The following CCNJL variants were observed in gnomAD, a reference collection of about 807,000 sequenced individuals.
CCNJL encodes cyclin J like.
CCNJL carries 33 observed loss-of-function variants against 33.4 expected under a neutral mutation model. The observed-to-expected ratio is 0.99, with a 90% CI of 0.75 to 1.32. The LOEUF is 1.32. Among genes scored for constraint, CCNJL ranks in the 40% most tolerant of loss-of-function variants. The pLI is 0.00. For missense variants in CCNJL, 512 were observed against 499.7 expected (o/e 1.02, Z -0.23); for synonymous variants, 227 against 220.9 (o/e 1.03, Z -0.24).
intron 1 of CCNJL, among the ~76,000 whole-genome samples, chr5:160,318,431 G>A (rs1305052444): frequency 6.6e-6 from 1 of 152,234 alleles, no homozygotes; most frequent in African/African-American, 2.4e-5. Context: ...AGGTCACATT[G>A]TGAGCTACTG....
chr5:160,258,148 A>G (rs1761151529), intron 4 of CCNJL: 2 of 392,694 alleles, frequency 5.1e-6, no homozygotes, highest in Non-Finnish European at 9.4e-6. Context: ...GCCCAGTCCA[A>G]TCATTGATCT....
intron 2 of CCNJL, among the ~76,000 whole-genome samples, chr5:160,288,773 G>T (rs1385577092): frequency 6.8e-6 from 1 of 146,542 alleles, no homozygotes; most frequent in Non-Finnish European, 1.5e-5. Context: ...GGAGCTTGCA[G>T]TGAATGGACA....
chr5:160,320,583 G>T (rs1407315055), intron 1 of CCNJL, among the ~76,000 whole-genome samples: 1 of 152,240 alleles, frequency 6.6e-6, no homozygotes, highest in Non-Finnish European at 1.5e-5. Flanking sequence ...GGAGCGATGA[G>T]GACTGTGGTT....
intron 3 of CCNJL, among the ~76,000 whole-genome samples, chr5:160,279,912 A>C (rs1762148830): frequency 1.3e-5 from 2 of 152,208 alleles, no homozygotes; most frequent in Non-Finnish European, 2.9e-5. Flanking sequence ...GCGAATTAAC[A>C]CAGTAATCTC....
At chr5:160,310,782 G>A (rs1763236627) in intron 2 of CCNJL, among the ~76,000 whole-genome samples, 1 of 152,186 alleles carries the variant, frequency 6.6e-6, no homozygotes, top group Admixed American at 6.5e-5. Flanking sequence ...CCATGTGACA[G>A]TGGAGGCAGA....
At chr5:160,299,179 C>A (rs1270996159) in intron 2 of CCNJL, among the ~76,000 whole-genome samples, 2 of 151,642 alleles carry the variant, frequency 1.3e-5, no homozygotes, top group African/African-American at 4.9e-5. Context: ...AGATGAGTTT[C>A]CCTCTTGTTG....
At chr5:160,270,599 A>G (rs2113302141) in intron 3 of CCNJL, among the ~76,000 whole-genome samples, 1 of 152,270 alleles carries the variant, frequency 6.6e-6, no homozygotes, top group Admixed American at 6.5e-5. Context: ...AAAAATAAAC[A>G]AACACTCAAT....
At chr5:160,316,397 T>C (rs116582139), upstream of CCNJL, among the ~76,000 whole-genome samples, 2,487 of 149,092 alleles carry the variant, frequency 0.017, 38 homozygotes, top group South Asian at 0.046. Flanking sequence ...ATTCTACTTA[T>C]CTTCAGCTTT....
At chr5:160,331,113 C>CCTCGACCA (rs1413651687) in intron 1 of CCNJL, among the ~76,000 whole-genome samples, 7 of 152,186 alleles carry the variant, frequency 4.6e-5, no homozygotes, top group African/African-American at 1.7e-4. Flanking sequence ...TCCAATAACT[C>CCTCGACCA]CTCGACCACT....
chr5:160,266,735 A>C (rs1175764513), intron 3 of CCNJL, among the ~76,000 whole-genome samples: 1 of 152,182 alleles, frequency 6.6e-6, no homozygotes, highest in East Asian at 1.9e-4. Flanking sequence ...GATCTTCTCA[A>C]GTCCTGTTAT....
At chr5:160,328,866 C>G (rs187329032) in intron 1 of CCNJL, among the ~76,000 whole-genome samples, 4,161 of 150,370 alleles carry the variant, frequency 0.028, 187 homozygotes, top group African/African-American at 0.096. Context: ...GGCAAGAGAG[C>G]GAGACTCTGT....
chr5:160,298,181 G>A (rs1271663479), intron 2 of CCNJL, among the ~76,000 whole-genome samples: 2 of 152,256 alleles, frequency 1.3e-5, no homozygotes, highest in East Asian at 3.9e-4. Flanking sequence ...GTTACTGGTA[G>A]CCATGCTACC....
In CCNJL at chr5:160,275,480, G is replaced by A. The variant is rs568802332; in HGVS notation, c.280+5045C>T. ...ACACTAGGTACTTCTGTACCTTTCA[G>A]GTTTTTTGTGTTTGTTTGTTTTGAG... On this transcript the variant is annotated intron_variant, in intron 3 of 5. Coordinates refer to ENST00000257536, the MANE Select transcript of CCNJL (RefSeq NM_001308173.3). Among the ~76,000 whole-genome samples the A allele has an allele frequency of 6.6e-5, 10 of 152,038 alleles. No individual in the cohort carries two copies. In the South Asian group the frequency reaches 2.1e-3, roughly 32 times the overall value.
At position 160,259,596 on chromosome 5, in the gene CCNJL, G is replaced by C. The variant is rs767378917; in HGVS notation, c.456C>G (p.Asp152Glu). 1.7e-5 allele frequency: 27 copies of C among 1,614,218 alleles called. No homozygotes were observed. In the East Asian group the frequency reaches 6.0e-4, roughly 36 times the overall value. Residue 152 changes from aspartate (D) to glutamate (E), a missense_variant, in exon 4 of 6, where the codon GAC becomes GAG. Coordinates refer to ENST00000257536, the MANE Select transcript of CCNJL (RefSeq NM_001308173.3). Reference protein sequence around the residue: ...LCLPTPAHFLDYYLLASVSQK... With the variant: ...LCLPTPAHFLEYYLLASVSQK... ...GGCTGACGGAGGCCAAGAGGTAGTA[G>C]TCCAGGAAGTGGGCAGGCGTGGGCA...
chr5:160,305,457 G>C (rs1284980703), intron 2 of CCNJL, among the ~76,000 whole-genome samples: 2 of 152,206 alleles, frequency 1.3e-5, no homozygotes, highest in Non-Finnish European at 1.5e-5. Flanking sequence ...CCACTCACCA[G>C]GGCCAAATAA....
chr5:160,273,751 A>G, intron 3 of CCNJL, among the ~76,000 whole-genome samples: 1 of 150,726 alleles, frequency 6.6e-6, no homozygotes, highest in East Asian at 2.0e-4. Flanking sequence ...GGTTCAAGCA[A>G]TTCTCCTCCC....
chr5:160,333,840 G>C (rs1363650278), intron 1 of CCNJL, among the ~76,000 whole-genome samples: 1 of 152,022 alleles, frequency 6.6e-6, no homozygotes, highest in African/African-American at 2.4e-5. Context: ...GACCCCCAGG[G>C]TTTTCCCCTC....
chr5:160,263,421 C>T (rs1451922191), intron 3 of CCNJL, among the ~76,000 whole-genome samples: 2 of 152,218 alleles, frequency 1.3e-5, no homozygotes, highest in Non-Finnish European at 2.9e-5. Context: ...TAGGTTCACA[C>T]ATGGAGTCTA....
Position 160,259,578 on chromosome 5 carries a change from G to A in CCNJL, c.474C>T (p.Ser158=), listed in dbSNP as rs762694700. ...GGCAGTGGTGGTCCTTCTGGCTGAC[G>A]GAGGCCAAGAGGTAGTAGTCCAGGA... is the stretch of plus-strand genomic sequence containing the variant. The part of the protein sequence containing the change: ...AHFLDYYLLA[S]VSQKDHHCHT... Residue 158 remains serine (S), a synonymous_variant, in exon 4 of 6, where the codon TCC becomes TCT. Coordinates refer to ENST00000257536, the MANE Select transcript of CCNJL (RefSeq NM_001308173.3). The A allele has an allele frequency of 2.3e-5, 37 of 1,614,058 alleles. No individual in the cohort carries two copies. The highest frequency in any genetic ancestry group is 6.7e-5 in the Admixed American group (4 of 59,996).
Sources: allele counts gnomAD v4.1 joint callset (sites outside exome capture counted in the v4.1 genomes callset), GRCh38; gene constraint gnomAD v4.1.1; transcripts MANE v1.5; gene names NCBI Gene and HGNC (gene_info 2026-07-23, HGNC 2026-07-21).